Variants in CFAP54 observed in about 807,000 individuals in gnomAD.
CFAP54 encodes the protein cilia- and flagella-associated protein 54.
A neutral mutation model predicts 370.4 loss-of-function variants in CFAP54; 290 were observed. That is an observed-to-expected ratio of 0.78 (90% CI 0.71 to 0.86). The LOEUF (loss-of-function observed/expected upper bound fraction) is 0.86. Among genes scored for constraint, CFAP54 ranks in the 40% least tolerant of loss-of-function variants. The pLI is 0.00. For missense variants in CFAP54, 3,399 were observed against 3,528.7 expected (o/e 0.96, Z 0.93); for synonymous variants, 1,206 against 1,236.5 (o/e 0.98, Z 0.52).
intron 13 of CFAP54, 29 bp downstream of exon 13, chr12:96,538,547 T>G (rs1420701584): frequency 1.3e-6 from 2 of 1,516,308 alleles, no homozygotes; most frequent in African/African-American, 2.8e-5. Context: ...CTTTCACGTG[T>G]TTTTTTTGCT....
chr12:96,536,574 T>A (rs1955505903), intron 12 of CFAP54, among the ~76,000 whole-genome samples: 1 of 151,866 alleles, frequency 6.6e-6, no homozygotes, highest in East Asian at 1.9e-4. Flanking sequence ...GATCAAGGCT[T>A]AAAAAGGTAG....
At chr12:96,549,461 A>G (rs1405907489) in intron 15 of CFAP54, among the ~76,000 whole-genome samples, 1 of 152,214 alleles carries the variant, frequency 6.6e-6, no homozygotes, top group Non-Finnish European at 1.5e-5. Flanking sequence ...GTCAAAATAA[A>G]TACAGAGAAG....
intron 39 of CFAP54, among the ~76,000 whole-genome samples, chr12:96,669,699 G>A (rs1727872832): frequency 1.3e-5 from 2 of 152,192 alleles, no homozygotes; most frequent in African/African-American, 4.8e-5. Context: ...GGAAAAGGTC[G>A]CTTTGGAATT....
At chr12:96,773,678 C>T (rs40505) in intron 60 of CFAP54, among the ~76,000 whole-genome samples, 86,681 of 152,020 alleles carry the variant, frequency 0.57, 25,173 homozygotes, top group African/African-American at 0.66. Context: ...GACAATTTTT[C>T]CAAATCATCA....
intron 58 of CFAP54, among the ~76,000 whole-genome samples, chr12:96,763,280 T>TA (rs1369912955): frequency 6.6e-6 from 1 of 151,848 alleles, no homozygotes; most frequent in African/African-American, 2.4e-5. Flanking sequence ...ACCCCCATGG[T>TA]AAAAAAAATC....
At chr12:96,603,341 G>T (rs1292995077) in intron 26 of CFAP54, among the ~76,000 whole-genome samples, 1 of 152,156 alleles carries the variant, frequency 6.6e-6, no homozygotes, top group East Asian at 1.9e-4. Flanking sequence ...AGTCTGATGG[G>T]TTTCCCTTTG....
At chr12:96,787,906 GT>G (rs560742952) in intron 62 of CFAP54, among the ~76,000 whole-genome samples, 48 of 141,542 alleles carry the variant, frequency 3.4e-4, no homozygotes, top group Middle Eastern at 3.6e-3. Context: ...AAAAAGTGAG[GT>G]TTTTTTTTTT....
At chr12:96,726,484 T>C (rs906758342) in intron 50 of CFAP54, among the ~76,000 whole-genome samples, 6 of 152,258 alleles carry the variant, frequency 3.9e-5, no homozygotes, top group African/African-American at 1.4e-4. Flanking sequence ...TAGTATTCTC[T>C]GATGGTAGTT....
chr12:96,756,557 A>T lies in CFAP54; in HGVS notation c.7940A>T (p.Asn2647Ile). ...AIQLSLKNDQ[N>I]SGLIRDSYLE... The stretch of plus-strand genomic sequence containing the variant: ...CAACTAAGCCTGAAAAATGATCAAA[A>T]CTCAGGGTAAAAAGATATTCCATTG... Residue 2647 changes from asparagine to isoleucine, a missense_variant, in exon 57 of 68, where the codon AAC (asparagine) becomes ATC (isoleucine). Asn to Ile is a moderately radical substitution (Grantham distance 149). Transcript: ENST00000524981. 1.3e-6 allele frequency: 2 copies of T among 1,583,746 alleles called. No homozygotes were observed. Among genetic ancestry groups the T allele is most frequent in the Non-Finnish European group, 1.7e-6 (2 of 1,157,110 alleles).
intron 22 of CFAP54, among the ~76,000 whole-genome samples, chr12:96,585,598 A>G (rs1956069868): frequency 6.6e-6 from 1 of 152,232 alleles, no homozygotes; most frequent in Admixed American, 6.5e-5. Context: ...CTGGGATTAC[A>G]GGCATGAGCC....
intron 48 of CFAP54, among the ~76,000 whole-genome samples, chr12:96,713,485 A>G (rs1202235562): frequency 6.6e-6 from 1 of 152,176 alleles, no homozygotes; most frequent in Non-Finnish European, 1.5e-5. Context: ...GTGTTAATAA[A>G]ATAGTTAATT....
At chr12:96,796,541 G>A (rs1241826048) in intron 63 of CFAP54, among the ~76,000 whole-genome samples, 2 of 152,080 alleles carry the variant, frequency 1.3e-5, no homozygotes, top group Non-Finnish European at 2.9e-5. Flanking sequence ...CAGTCTTTAA[G>A]CAATAGTACT....
intron 63 of CFAP54, among the ~76,000 whole-genome samples, chr12:96,795,231 G>A (rs926226005): frequency 6.6e-6 from 1 of 152,164 alleles, no homozygotes; most frequent in African/African-American, 2.4e-5. Context: ...CAGCCAGGAA[G>A]TGGTGCTTTC....
chr12:96,541,067 C>T (rs1592841067), intron 14 of CFAP54, 80 bp downstream of exon 14: 1 of 820,346 alleles, frequency 1.2e-6, no homozygotes, highest in Non-Finnish European at 1.7e-6. Context: ...ATAACTCCTA[C>T]TAATGGAAAC....
At chr12:96,800,683 G>A (rs1958810831) in intron 63 of CFAP54, among the ~76,000 whole-genome samples, 1 of 152,184 alleles carries the variant, frequency 6.6e-6, no homozygotes, top group Non-Finnish European at 1.5e-5. Context: ...TTAGCATTGA[G>A]TTTAATGTTG....
At chr12:96,651,267 G>T (rs902244677) in intron 35 of CFAP54, among the ~76,000 whole-genome samples, 6 of 152,096 alleles carry the variant, frequency 3.9e-5, no homozygotes, top group African/African-American at 1.2e-4. Context: ...AGCAGCATGA[G>T]GGCAGACCCA....
chr12:96,542,609 A>G (rs1271565467), intron 14 of CFAP54, among the ~76,000 whole-genome samples: 1 of 152,146 alleles, frequency 6.6e-6, no homozygotes, highest in Non-Finnish European at 1.5e-5. Flanking sequence ...CTCTCCGAGT[A>G]TTTTAAAACA....
intron 26 of CFAP54, among the ~76,000 whole-genome samples, chr12:96,601,930 G>T (rs1956247094): frequency 6.6e-6 from 1 of 152,006 alleles, no homozygotes; most frequent in Admixed American, 6.6e-5. Context: ...TTGATTTTTT[G>T]AAGGCTTTTT....
At chr12:96,777,401 G>A (rs1958528228) in intron 60 of CFAP54, among the ~76,000 whole-genome samples, 1 of 151,466 alleles carries the variant, frequency 6.6e-6, no homozygotes, top group Non-Finnish European at 1.5e-5. Context: ...GGCTGCTGGA[G>A]TGCAATGGCG....
Sources: allele counts gnomAD v4.1 joint callset (sites outside exome capture counted in the v4.1 genomes callset), GRCh38; gene constraint gnomAD v4.1.1; transcripts MANE v1.5; gene names NCBI Gene and HGNC (gene_info 2026-07-23, HGNC 2026-07-21).